Variants in CD5 observed in about 807,000 individuals in gnomAD.
The protein encoded by CD5 is T-cell surface glycoprotein CD5.
Under a neutral mutation model 60.3 loss-of-function variants are expected in CD5, and 36 were observed. That is an observed-to-expected ratio of 0.60 (90% CI 0.46 to 0.79). CD5 has a LOEUF of 0.79. CD5 is among the 30% of genes least tolerant of loss of function. CD5 has a pLI of 0.00. For synonymous variants in CD5, 230 were observed against 257.6 expected (o/e 0.89, Z 1.03); for missense variants, 540 against 630.6 (o/e 0.86, Z 1.54).
At chr11:61,107,135 G>T (rs868550392) in intron 1 of CD5, among the ~76,000 whole-genome samples, 13 of 152,168 alleles carry the variant, frequency 8.5e-5, no homozygotes, top group African/African-American at 3.1e-4. Context: ...AAGCCTTGGT[G>T]GGGTGTGAGG....
At position 61,127,465 on chromosome 11, in the gene CD5, A is replaced by G. The variant is rs1379253992; in HGVS notation, c.*1180A>G. On this transcript the variant is annotated 3_prime_UTR_variant, in exon 11 of 11. Coordinates refer to ENST00000347785, the MANE Select transcript of CD5 (RefSeq NM_014207.4). ...GCCGCATAATAAGTCTGGAAGAGCA[A>G]AAGGGAGTTACTAGGATATGGGGTG... 4.6e-5 allele frequency: 7 copies of G among 152,278 alleles called. No individual in the cohort carries two copies. 9.4% of individuals were successfully genotyped at this position (152,278 alleles called of 1,614,324 possible).
At chr11:61,113,345 T>G (rs1860885893) in intron 1 of CD5, among the ~76,000 whole-genome samples, 1 of 152,240 alleles carries the variant, frequency 6.6e-6, no homozygotes, top group Non-Finnish European at 1.5e-5. Flanking sequence ...ACAGATGAGC[T>G]GCTCTGCTGA....
At chr11:61,094,378 T>C in the CD5 span, among the ~76,000 whole-genome samples, 2 of 152,012 alleles carry the variant, frequency 1.3e-5, no homozygotes, top group Non-Finnish European at 2.9e-5. Context: ...CAATCACCCA[T>C]GGCATGCCTT....
upstream of CD5, among the ~76,000 whole-genome samples, chr11:61,101,674 A>G (rs111218227): frequency 8.4e-3 from 1,274 of 151,572 alleles, 12 homozygotes; most frequent in Middle Eastern, 0.024. Context: ...ACACACATCA[A>G]CATGGCGATC....
In CD5 at chr11:61,106,068, T is replaced by TGAGCCGAGATCGCGCC. The variant is rs1386119944; in HGVS notation, c.55+3454_55+3469dup. 5.2e-5 allele frequency among the ~76,000 whole-genome samples: 7 copies of TGAGCCGAGATCGCGCC among 133,766 alleles called. No individual in the cohort carries two copies. In the Admixed American group the frequency reaches 6.5e-4, roughly 12 times the overall value. The allele number at this position is 133,766 out of a possible 152,430, so 87.8% of individuals were successfully genotyped here. A position where few individuals can be genotyped will look rare whatever the true frequency, so the allele number is the denominator to read the frequency against. ...TGAACCTGGGAGGCGGAGGTTGCGGTGAGCCGAGATCGCGCCATTGCACTC... is the reference window on the plus strand; with the variant it reads ...TGAACCTGGGAGGCGGAGGTTGCGGTGAGCCGAGATCGCGCCGAGCCGAGATCGCGCCATTGCACTC... On this transcript the variant is annotated intron_variant, in intron 1 of 10. Transcript: ENST00000347785.
intron 1 of CD5, among the ~76,000 whole-genome samples, chr11:61,110,878 G>C (rs1426337808): frequency 6.6e-6 from 1 of 152,160 alleles, no homozygotes; most frequent in African/African-American, 2.4e-5. Context: ...TGATGGTGAT[G>C]ATGATGGTGA....
intron 1 of CD5, among the ~76,000 whole-genome samples, chr11:61,112,945 A>G (rs1446325764): frequency 6.6e-6 from 1 of 152,208 alleles, no homozygotes; most frequent in East Asian, 1.9e-4. Flanking sequence ...TTCAAAGCAC[A>G]CCTATTTTTT....
Position 61,121,785 on chromosome 11 carries a change from A to T in CD5, c.980A>T (p.Tyr327Phe). Residue 327 changes from tyrosine to phenylalanine, a missense_variant, in exon 6 of 11, where the codon TAT becomes TTT. By Grantham distance (22) the Tyr-to-Phe change is conservative. Coordinates refer to ENST00000347785, the MANE Select transcript of CD5 (RefSeq NM_014207.4). ...REQQCGSVNS[Y>F]RVLDAGDPTS... ...CAGCAGTGTGGCAGCGTCAACTCCT[A>T]TCGAGTGCTGGACGCTGGTGACCCA... 2 of 1,612,038 alleles carry T rather than the reference A, an allele frequency of 1.2e-6. No individual in the cohort carries two copies. The highest frequency in any genetic ancestry group is 2.2e-5 in the South Asian group (2 of 90,910).
chr11:61,109,545 A>G (rs1860822911), intron 1 of CD5, among the ~76,000 whole-genome samples: 1 of 152,208 alleles, frequency 6.6e-6, no homozygotes, highest in Middle Eastern at 3.4e-3. Context: ...GGCTCAAAAA[A>G]TTTTTAAACA....
At chr11:61,104,801 C>T (rs75697512) in intron 1 of CD5, among the ~76,000 whole-genome samples, 4,182 of 152,304 alleles carry the variant, frequency 0.027, 127 homozygotes, top group African/African-American at 0.075. Flanking sequence ...AAAGCGAGGC[C>T]CAGGAAGGCC....
At chr11:61,124,547 G>C (rs1861118163) in intron 8 of CD5, among the ~76,000 whole-genome samples, 1 of 151,936 alleles carries the variant, frequency 6.6e-6, no homozygotes, top group Admixed American at 6.6e-5. Flanking sequence ...CACAGTCAGA[G>C]ACACCCTAAT....
intron 5 of CD5, among the ~76,000 whole-genome samples, chr11:61,120,943 G>A (rs1402593917): frequency 1.3e-5 from 2 of 152,218 alleles, no homozygotes; most frequent in Non-Finnish European, 2.9e-5. Context: ...ATGTTGCTAT[G>A]GGAACTGGGC....
chr11:61,114,070 A>G (rs1243412470), intron 1 of CD5, among the ~76,000 whole-genome samples: 1 of 152,156 alleles, frequency 6.6e-6, no homozygotes, highest in African/African-American at 2.4e-5. Flanking sequence ...CAACACACAA[A>G]AAGTGATCAG....
At position 61,118,592 on chromosome 11, in the gene CD5, AC is replaced by A; in HGVS notation, c.400+116del. 2.7e-6 allele frequency: 3 copies of A among 1,107,352 alleles called. No homozygotes were observed. Among genetic ancestry groups the A allele is most frequent in the Non-Finnish European group, 2.6e-6 (2 of 772,564 alleles). The allele number at this position is 1,107,352 out of a possible 1,614,324, so 68.6% of individuals were successfully genotyped here. On this transcript the variant is annotated intron_variant, in intron 3 of 10. Coordinates refer to ENST00000347785, the MANE Select transcript of CD5 (RefSeq NM_014207.4). The surrounding 1 kb of genome is among the most constrained non-coding windows in gnomAD (Gnocchi z 4.7). ...GCAGGCTGGTGGAAGGGGTGGGGGG[AC>A]CCCAGTTTATAACCACTCCCCAAGA...
upstream of CD5, among the ~76,000 whole-genome samples, chr11:61,098,024 C>T (rs140402349): frequency 5.0e-4 from 76 of 152,210 alleles, no homozygotes; most frequent in African/African-American, 1.7e-3. Context: ...GCTGTCTACA[C>T]GTAGATGATC....
chr11:61,101,610 TCACA>T (rs553932863), upstream of CD5, among the ~76,000 whole-genome samples: 1 of 128,146 alleles, frequency 7.8e-6, no homozygotes, highest in Non-Finnish European at 1.6e-5. Context: ...AACATGGAAA[TCACA>T]CACACATATC....
At chr11:61,095,280 C>T in the CD5 span, among the ~76,000 whole-genome samples, 6 of 152,090 alleles carry the variant, frequency 3.9e-5, no homozygotes, top group South Asian at 2.1e-4. Context: ...CTTGAAAGCT[C>T]GCTTACAGCC....
intron 2 of CD5, among the ~76,000 whole-genome samples, chr11:61,116,898 C>CCA: frequency 6.6e-6 from 1 of 151,648 alleles, no homozygotes; most frequent in East Asian, 1.9e-4. Context: ...GACACACACA[C>CCA]CACACACACA....
chr11:61,099,245 A>T (rs1860623021), upstream of CD5, among the ~76,000 whole-genome samples: 1 of 152,176 alleles, frequency 6.6e-6, no homozygotes, highest in South Asian at 2.1e-4. Context: ...ATCAACATGG[A>T]AATCACACAC....
Sources: allele counts gnomAD v4.1 joint callset (sites outside exome capture counted in the v4.1 genomes callset), GRCh38; gene constraint gnomAD v4.1.1; non-coding constraint Gnocchi (gnomAD v3.1); transcripts MANE v1.5; gene names NCBI Gene and HGNC (gene_info 2026-07-23, HGNC 2026-07-21).